IGF1R: variants seen among roughly 807,000 people sequenced by gnomAD.
The protein encoded by IGF1R is insulin-like growth factor 1 receptor.
A neutral mutation model predicts 144.6 loss-of-function variants in IGF1R; 44 were observed. The observed-to-expected ratio is 0.30, with a 90% CI of 0.24 to 0.39. IGF1R has a LOEUF of 0.39. Among genes scored for constraint, IGF1R ranks in the 10% least tolerant of loss-of-function variants. IGF1R has a pLI of 1.00. For missense variants in IGF1R, 1,355 were observed against 1,833.7 expected, an observed-to-expected ratio of 0.74 and a Z score of 4.77; for synonymous variants, 795 against 722.8, an observed-to-expected ratio of 1.10 and a Z score of -1.60.
intron 2 of IGF1R, among the ~76,000 whole-genome samples, chr15:98,800,538 A>C (rs188947656): frequency 3.8e-4 from 58 of 152,266 alleles, no homozygotes; most frequent in Non-Finnish European, 6.8e-4. Context: ...AAAGATACGG[A>C]GTGTGACTCA....
intron 2 of IGF1R, among the ~76,000 whole-genome samples, chr15:98,716,907 C>T (rs1292011024): frequency 1.3e-5 from 2 of 152,164 alleles, no homozygotes; most frequent in Non-Finnish European, 2.9e-5. Context: ...TATCCCTGAG[C>T]ATCTGTTCCT....
At chr15:98,702,433 G>A (rs987709043) in intron 1 of IGF1R, among the ~76,000 whole-genome samples, 2 of 152,040 alleles carry the variant, frequency 1.3e-5, no homozygotes, top group South Asian at 4.1e-4. Context: ...TTGTTGCAAC[G>A]TCTGCCTTGT....
intron 20 of IGF1R, among the ~76,000 whole-genome samples, chr15:98,955,940 A>G (rs563249474): frequency 1.3e-5 from 2 of 152,330 alleles, no homozygotes; most frequent in East Asian, 3.9e-4. Flanking sequence ...TGGTGAGAAC[A>G]GACGTGGAAA....
chr15:98,964,210 A>G lies in IGF1R; in HGVS notation c.*6768A>G, dbSNP rs2017337220. On this transcript the variant is annotated 3_prime_UTR_variant, in exon 21 of 21. Coordinates refer to ENST00000650285, the MANE Select transcript of IGF1R (RefSeq NM_000875.5). ...TTTTCTGAGTTTTCTTGTTAAAAAA[A>G]AATTTTTTTAAGTAAGAAAAAAAAA... 1 of 232,828 alleles carries G rather than the reference A, an allele frequency of 4.3e-6. No individual in the cohort carries two copies. Among genetic ancestry groups the G allele is most frequent in the Admixed American group, 5.6e-5 (1 of 17,764 alleles). The allele number at this position is 232,828 out of a possible 1,614,324, so 14.4% of individuals were successfully genotyped here. A position where few individuals can be genotyped will look rare whatever the true frequency, so the allele number is the denominator to read the frequency against.
At chr15:98,677,767 G>A (rs532268689) in intron 1 of IGF1R, among the ~76,000 whole-genome samples, 6 of 152,330 alleles carry the variant, frequency 3.9e-5, no homozygotes, top group African/African-American at 7.2e-5. Flanking sequence ...GTCAGCAAGC[G>A]CTGCTCAGCC....
chr15:98,962,006 C>T lies in IGF1R; in HGVS notation c.*4564C>T. On this transcript the variant is annotated 3_prime_UTR_variant, in exon 21 of 21. Transcript: ENST00000650285. ...TTGGGATAAAAGATTTATGAGCCAA[C>T]TATTCTCTGGCACCAGATTCTAGGC... 4.3e-6 allele frequency: 1 copy of T among 233,328 alleles called. No individual in the cohort carries two copies. The highest frequency in any genetic ancestry group is 6.0e-5 in the East Asian group (1 of 16,594). 14.5% of individuals were successfully genotyped at this position (233,328 alleles called of 1,614,324 possible). A position where few individuals can be genotyped will look rare whatever the true frequency, so the allele number is the denominator to read the frequency against.
chr15:98,844,175 A>T (rs918685066), intron 2 of IGF1R, among the ~76,000 whole-genome samples: 5 of 152,210 alleles, frequency 3.3e-5, no homozygotes, highest in Non-Finnish European at 7.3e-5. Flanking sequence ...TTATAAATTA[A>T]TGCTTTTATG....
rs1333352719 is a variant in IGF1R at position 98,910,941 on chromosome 15, C to G, written c.1463-374C>G. 3.9e-5 allele frequency among the ~76,000 whole-genome samples: 6 copies of G among 152,216 alleles called. No homozygotes were observed. The East Asian group carries it at 1.2e-3, about 29-fold the overall frequency. On this transcript the variant is annotated intron_variant, in intron 6 of 20. Coordinates refer to ENST00000650285, the MANE Select transcript of IGF1R (RefSeq NM_000875.5). ...CTCTCTTAAGAAGTTTCAGGGCAGC[C>G]TAAAGGCTCACCTTCACCCTACCAG...
intron 19 of IGF1R, among the ~76,000 whole-genome samples, chr15:98,946,909 A>G (rs1485200357): frequency 2.6e-5 from 4 of 152,260 alleles, no homozygotes; most frequent in African/African-American, 7.2e-5. Context: ...GCAGTCAGCA[A>G]AAGCAGAGAG....
Position 98,961,150 on chromosome 15 carries a change from G to A in IGF1R, c.*3708G>A, listed in dbSNP as rs2017210206. The A allele has an allele frequency of 4.3e-6, 1 of 233,604 alleles. No homozygotes were observed. The highest frequency in any genetic ancestry group is 8.5e-6 in the Non-Finnish European group (1 of 117,964). 14.5% of individuals were successfully genotyped at this position (233,604 alleles called of 1,614,324 possible). A position where few individuals can be genotyped will look rare whatever the true frequency, so the allele number is the denominator to read the frequency against. On this transcript the variant is annotated 3_prime_UTR_variant, in exon 21 of 21. Coordinates refer to ENST00000650285, the MANE Select transcript of IGF1R (RefSeq NM_000875.5). ...ACCCCGGGGATCTTAAGGTCATTGA[G>A]AAATACTGTTGGATCAGGGTTTTGT... is the stretch of plus-strand genomic sequence containing the variant.
At chr15:98,800,752 A>G (rs567217017) in intron 2 of IGF1R, among the ~76,000 whole-genome samples, 6 of 152,102 alleles carry the variant, frequency 3.9e-5, no homozygotes, top group Admixed American at 2.6e-4. Flanking sequence ...CTTGGAAAAC[A>G]CCGGCACAAA....
rs1473954578 is a variant in IGF1R at position 98,958,257 on chromosome 15, T to C, written c.*815T>C. On this transcript the variant is annotated 3_prime_UTR_variant, in exon 21 of 21. Coordinates refer to ENST00000650285, the MANE Select transcript of IGF1R (RefSeq NM_000875.5). ...TGGACACAATAGGTCTTTCTCTCAG[T>C]GAAGGTGGGGAGAAGCTGAACCGGC... 1 of 231,316 alleles carries C rather than the reference T, an allele frequency of 4.3e-6. No individual in the cohort carries two copies. The highest frequency in any genetic ancestry group is 2.2e-5 in the African/African-American group (1 of 45,174). The allele number at this position is 231,316 out of a possible 1,614,324, so 14.3% of individuals were successfully genotyped here.
chr15:98,774,515 T>A (rs541780407), intron 2 of IGF1R, among the ~76,000 whole-genome samples: 14 of 152,148 alleles, frequency 9.2e-5, no homozygotes, highest in Non-Finnish European at 1.6e-4. Context: ...TATTCAGTCC[T>A]AAAAAGGAAG....
chr15:98,930,888 T>C (rs1337769960), intron 15 of IGF1R, among the ~76,000 whole-genome samples: 3 of 152,194 alleles, frequency 2.0e-5, no homozygotes, highest in East Asian at 1.9e-4. Context: ...TGATCCTCAA[T>C]GGTTATTTCC....
Position 98,807,033 on chromosome 15 carries a change from C to A in IGF1R, c.641-84292C>A, listed in dbSNP as rs185284067. Among the ~76,000 whole-genome samples the A allele has an allele frequency of 2.8e-3, 429 of 152,278 alleles. 3 individuals carry two copies. Among genetic ancestry groups the A allele is most frequent in the Non-Finnish European group, 2.9e-3 (195 of 68,020 alleles). On this transcript the variant is annotated intron_variant, in intron 2 of 20. Transcript: ENST00000650285. ...GAAAAGAAAATTGGAGAATTTATAA[C>A]GTCTGATGTGACCTGTTCTTTAGGT...
chr15:98,933,816 G>A (rs12438493), intron 15 of IGF1R, among the ~76,000 whole-genome samples: 69,049 of 151,444 alleles, frequency 0.46, 15,847 homozygotes, highest in African/African-American at 0.52. Flanking sequence ...GCCTGTCCAC[G>A]CTGGGCACCA....
At chr15:98,926,432 T>C (rs1033901949) in intron 13 of IGF1R, among the ~76,000 whole-genome samples, 1 of 152,118 alleles carries the variant, frequency 6.6e-6, no homozygotes, top group Non-Finnish European at 1.5e-5. Context: ...TCTTAAAAAT[T>C]GCTGAGACAA....
intron 2 of IGF1R, among the ~76,000 whole-genome samples, chr15:98,855,478 A>G (rs1489956580): frequency 6.6e-6 from 1 of 152,248 alleles, no homozygotes; most frequent in Non-Finnish European, 1.5e-5. Context: ...GATGTTATCT[A>G]TGCTATAGGA....
Position 98,964,356 on chromosome 15 carries a change from CTGTTG to C in IGF1R, c.*6916_*6920del, listed in dbSNP as rs1291205834. On this transcript the variant is annotated 3_prime_UTR_variant, in exon 21 of 21. Transcript: ENST00000650285. ...AAATTTCAAAATGTTTTTGTATATT[CTGTTG>C]TAAGAATTTATTCCTGTTATTGCGA... 1.3e-5 allele frequency: 3 copies of C among 230,428 alleles called. No homozygotes were observed. The highest frequency in any genetic ancestry group is 6.6e-5 in the African/African-American group (3 of 45,208). 14.3% of individuals were successfully genotyped at this position (230,428 alleles called of 1,614,324 possible). A position where few individuals can be genotyped will look rare whatever the true frequency, so the allele number is the denominator to read the frequency against.
Sources: allele counts gnomAD v4.1 joint callset (sites outside exome capture counted in the v4.1 genomes callset), GRCh38; gene constraint gnomAD v4.1.1; transcripts MANE v1.5; gene names NCBI Gene and HGNC (gene_info 2026-07-23, HGNC 2026-07-21).